Variants in HECW1 observed in about 807,000 individuals in gnomAD.
HECW1 encodes HECT, C2 and WW domain containing E3 ubiquitin protein ligase 1.
A neutral mutation model predicts 182.3 loss-of-function variants in HECW1; 61 were observed. The observed-to-expected ratio is 0.33, with a 90% CI of 0.27 to 0.41. The LOEUF (loss-of-function observed/expected upper bound fraction) is 0.41, where lower values mean the gene tolerates loss of function less well. HECW1 is among the 10% of genes least tolerant of loss of function. The probability of loss-of-function intolerance (pLI) is 1.00; values close to 1 mark genes in which losing one functional copy is unlikely to be tolerated. For missense variants in HECW1, 1,739 were observed against 2,108.9 expected, an observed-to-expected ratio of 0.82 and a Z score of 3.44; for synonymous variants, 859 against 832.6, an observed-to-expected ratio of 1.03 and a Z score of -0.55.
chr7:43,428,607 T>C (rs923663542), intron 8 of HECW1, among the ~76,000 whole-genome samples: 16 of 152,200 alleles, frequency 1.1e-4, no homozygotes, highest in African/African-American at 3.9e-4. Flanking sequence ...ACTGATTGGA[T>C]ATGGGCTCCT....
intron 6 of HECW1, among the ~76,000 whole-genome samples, chr7:43,381,587 A>G (rs2074551932): frequency 2.0e-5 from 3 of 149,512 alleles, no homozygotes; most frequent in Non-Finnish European, 4.4e-5. Flanking sequence ...CTCCCGGGTG[A>G]TTCTCCTGTC....
At chr7:43,418,315 A>G (rs2076078309) in intron 8 of HECW1, among the ~76,000 whole-genome samples, 1 of 152,244 alleles carries the variant, frequency 6.6e-6, no homozygotes, top group Admixed American at 6.5e-5. Context: ...AATTCAACTC[A>G]TAACAGTTTT....
chr7:43,351,511 C>G (rs1462172200), intron 5 of HECW1, among the ~76,000 whole-genome samples: 1 of 152,040 alleles, frequency 6.6e-6, no homozygotes, highest in South Asian at 2.1e-4. Flanking sequence ...CGTGTCTGAG[C>G]TCAGACTTTT....
chr7:43,426,123 C>G (rs10480183), intron 8 of HECW1, among the ~76,000 whole-genome samples: 48,537 of 151,890 alleles, frequency 0.32, 8,407 homozygotes, highest in Middle Eastern at 0.46. Flanking sequence ...AATTATTGAC[C>G]AATCATGGGG....
intron 2 of HECW1, among the ~76,000 whole-genome samples, chr7:43,168,324 G>T (rs1380831430): frequency 6.6e-6 from 1 of 152,078 alleles, no homozygotes; most frequent in Non-Finnish European, 1.5e-5. Context: ...TGGTGTGCAG[G>T]GATACAGGTG....
chr7:43,398,786 G>A (rs73101376), intron 7 of HECW1, among the ~76,000 whole-genome samples: 3,242 of 152,252 alleles, frequency 0.021, 85 homozygotes, highest in African/African-American at 0.064. Context: ...CAGTCTCCCC[G>A]AGAATTCGGC....
chr7:43,384,775 G>A (rs768392218), intron 6 of HECW1, among the ~76,000 whole-genome samples: 5 of 152,144 alleles, frequency 3.3e-5, no homozygotes, highest in Non-Finnish European at 5.9e-5. Context: ...GAGAGGGAGT[G>A]GGTGGCTGGA....
At chr7:43,363,442 G>A (rs1283196013) in intron 6 of HECW1, among the ~76,000 whole-genome samples, 1 of 152,154 alleles carries the variant, frequency 6.6e-6, no homozygotes, top group Non-Finnish European at 1.5e-5. Flanking sequence ...ACATATTGCT[G>A]TCACCCTGAT....
At chr7:43,548,660 G>A (rs1445204332) in intron 26 of HECW1, among the ~76,000 whole-genome samples, 1 of 152,172 alleles carries the variant, frequency 6.6e-6, no homozygotes, top group African/African-American at 2.4e-5. Flanking sequence ...GCCCTGTTGA[G>A]GCTGAGTGTG....
intron 3 of HECW1, among the ~76,000 whole-genome samples, chr7:43,290,578 A>G (rs751881185): frequency 6.6e-6 from 1 of 151,980 alleles, no homozygotes; most frequent in Non-Finnish European, 1.5e-5. Flanking sequence ...TGGGAATTCC[A>G]TTTTTCAGGT....
intron 26 of HECW1, among the ~76,000 whole-genome samples, chr7:43,543,782 A>C (rs1382084039): frequency 2.9e-5 from 4 of 135,980 alleles, no homozygotes; most frequent in Non-Finnish European, 4.7e-5. Flanking sequence ...TCCATCTCAC[A>C]AAAAAAAAAA....
rs372609976 is a variant in HECW1 at position 43,247,773 on chromosome 7, AAG to A, written c.27+3849_27+3850del. ...AGGGAGGAAGGGAAAGAGAGGAAAAAAGAGAGAGAAAAAAAGAAAAGAAGGAG... is the reference window on the plus strand; with the variant it reads ...AGGGAGGAAGGGAAAGAGAGGAAAAAAGAGAGAAAAAAAGAAAAGAAGGAG... On this transcript the variant is annotated intron_variant, in intron 3 of 29. Coordinates refer to ENST00000395891, the MANE Select transcript of HECW1 (RefSeq NM_015052.5). Among the ~76,000 whole-genome samples the A allele has an allele frequency of 1.8e-3, 222 of 126,302 alleles. 7 individuals are homozygous for A. The highest frequency in any genetic ancestry group is 6.5e-3 in the African/African-American group (182 of 28,206). The allele number at this position is 126,302 out of a possible 152,430, so 82.9% of individuals were successfully genotyped here.
chr7:43,322,062 C>A (rs549674700), intron 5 of HECW1, among the ~76,000 whole-genome samples: 2 of 152,286 alleles, frequency 1.3e-5, no homozygotes, highest in Admixed American at 6.5e-5. Context: ...AAACTCCCAG[C>A]AAGAGAATTT....
intron 7 of HECW1, among the ~76,000 whole-genome samples, chr7:43,405,456 C>G (rs1584789297): frequency 1.3e-5 from 2 of 152,114 alleles, no homozygotes; most frequent in East Asian, 3.9e-4. Context: ...GAGCAAGCTT[C>G]CAATGGGCCT....
chr7:43,287,359 C>A (rs1804783276), intron 3 of HECW1, among the ~76,000 whole-genome samples: 1 of 151,850 alleles, frequency 6.6e-6, no homozygotes, highest in South Asian at 2.1e-4. Context: ...AGTGCAGAGG[C>A]CCCGAGGCAG....
intron 24 of HECW1, among the ~76,000 whole-genome samples, chr7:43,532,710 A>G (rs2081040053): frequency 6.6e-6 from 1 of 152,052 alleles, no homozygotes; most frequent in Non-Finnish European, 1.5e-5. Context: ...TCCCCTCAGC[A>G]ATGTTGACAC....
chr7:43,264,620 C>T (rs1276671353), intron 3 of HECW1, among the ~76,000 whole-genome samples: 1 of 152,016 alleles, frequency 6.6e-6, no homozygotes, highest in Non-Finnish European at 1.5e-5. Flanking sequence ...CCAAGGCGGG[C>T]AGATCACAAG....
intron 5 of HECW1, among the ~76,000 whole-genome samples, chr7:43,336,131 T>G (rs1437170654): frequency 6.2e-5 from 6 of 96,640 alleles, no homozygotes; most frequent in African/African-American, 2.9e-4. Flanking sequence ...TCTTTCTCTC[T>G]CTCTCTCTCT....
chr7:43,314,322 C>T (rs757465476), intron 4 of HECW1, among the ~76,000 whole-genome samples: 2 of 152,136 alleles, frequency 1.3e-5, no homozygotes, highest in African/African-American at 4.8e-5. Context: ...ACCAGGGATC[C>T]GAGCTAGGGT....
Sources: allele counts gnomAD v4.1 joint callset (sites outside exome capture counted in the v4.1 genomes callset), GRCh38; gene constraint gnomAD v4.1.1; transcripts MANE v1.5; gene names NCBI Gene and HGNC (gene_info 2026-07-23, HGNC 2026-07-21).